The following AGFG1 variants were observed in gnomAD, a reference collection of about 807,000 sequenced individuals.
AGFG1 encodes arf-GAP domain and FG repeat-containing protein 1.
AGFG1 carries 10 observed loss-of-function variants against 60.6 expected under a neutral mutation model. The ratio of observed to expected loss-of-function variants is 0.16; its 90% CI spans 0.10 to 0.28. AGFG1 has a LOEUF of 0.28. AGFG1 is among the 10% of genes least tolerant of loss of function. The probability of loss-of-function intolerance (pLI) is 1.00; values close to 1 mark genes in which losing one functional copy is unlikely to be tolerated. For synonymous variants in AGFG1, 247 were observed against 242.9 expected, an observed-to-expected ratio of 1.02 and a Z score of -0.16; for missense variants, 537 against 676.5, an observed-to-expected ratio of 0.79 and a Z score of 2.29.
At chr2:227,472,692 T>C in intron 1 of AGFG1, 104 bp downstream of exon 1, 1 of 1,280,446 alleles carries the variant, frequency 7.8e-7, no homozygotes, top group Non-Finnish European at 1.0e-6. Context: ...CCGGGTGCCG[T>C]GGGAGGCGGT....
At chr2:227,475,889 G>T in intron 1 of AGFG1, among the ~76,000 whole-genome samples, 1 of 152,266 alleles carries the variant, frequency 6.6e-6, no homozygotes, top group Non-Finnish European at 1.5e-5. Flanking sequence ...GCTAGCTGCC[G>T]TTCCTTGATT....
intron 6 of AGFG1, chr2:227,532,206 C>T (rs1360850270): frequency 6.5e-7 from 1 of 1,545,420 alleles, no homozygotes; most frequent in African/African-American, 1.4e-5. Context: ...TCAGGCTACC[C>T]ACAGTAAGTT....
chr2:227,519,704 A>T (rs1478088140), intron 2 of AGFG1, among the ~76,000 whole-genome samples: 1 of 152,202 alleles, frequency 6.6e-6, no homozygotes, highest in Non-Finnish European at 1.5e-5. Context: ...AAAAGACCCC[A>T]GGTCCTCTGA....
intron 2 of AGFG1, among the ~76,000 whole-genome samples, chr2:227,516,492 C>G (rs1324803253): frequency 2.6e-5 from 4 of 152,160 alleles, no homozygotes; most frequent in Non-Finnish European, 5.9e-5. Flanking sequence ...GGGACTTTGA[C>G]AGTGAGACAG....
At chr2:227,486,550 A>C (rs1180733204) in intron 1 of AGFG1, among the ~76,000 whole-genome samples, 1 of 152,102 alleles carries the variant, frequency 6.6e-6, no homozygotes, top group East Asian at 1.9e-4. Flanking sequence ...TGTTGTGGAC[A>C]CTTTCCTTAG....
rs1260301708 is a variant in AGFG1 at position 227,505,778 on chromosome 2, G to A, written c.261+14138G>A. ...TTTTGAGACGGAGTCTTATTCTGTC[G>A]TCCAGGCTGGAGTGCAGTGGCACAA... is the stretch of plus-strand genomic sequence containing the variant. On this transcript the variant is annotated intron_variant, in intron 2 of 12. Transcript: ENST00000310078. Among the ~76,000 whole-genome samples the A allele has an allele frequency of 6.6e-5, 10 of 151,912 alleles. No individual in the cohort carries two copies. The South Asian group carries it at 1.0e-3, about 16-fold the overall frequency.
At chr2:227,540,703 A>G (rs189170974) in intron 10 of AGFG1, among the ~76,000 whole-genome samples, 21 of 152,292 alleles carry the variant, frequency 1.4e-4, no homozygotes, top group Admixed American at 9.2e-4. Context: ...TCCTTTGGGT[A>G]TATACCCAGT....
chr2:227,506,558 TAAAAAAAAAAAA>T (rs5839223), intron 2 of AGFG1, among the ~76,000 whole-genome samples: 2 of 106,306 alleles, frequency 1.9e-5, no homozygotes, highest in Non-Finnish European at 3.6e-5. Flanking sequence ...TGATGTTCCT[TAAAAAAAAAAAA>T]AAAAAAAAAG....
chr2:227,518,083 CAT>C (rs1691708586), intron 2 of AGFG1, among the ~76,000 whole-genome samples: 1 of 152,110 alleles, frequency 6.6e-6, no homozygotes, highest in African/African-American at 2.4e-5. Flanking sequence ...GGGGGGTGCA[CAT>C]GTTTCTTTCA....
At chr2:227,507,659 A>G (rs563270006) in intron 2 of AGFG1, among the ~76,000 whole-genome samples, 6 of 150,948 alleles carry the variant, frequency 4.0e-5, no homozygotes, top group Admixed American at 6.6e-5. Flanking sequence ...TGTTTTGGAA[A>G]AAGCTGTTTT....
At chr2:227,545,113 G>A (rs2106236368) in intron 10 of AGFG1, among the ~76,000 whole-genome samples, 1 of 152,226 alleles carries the variant, frequency 6.6e-6, no homozygotes, top group Admixed American at 6.5e-5. Flanking sequence ...CGTAGATTTG[G>A]TCTTTTCACA....
At chr2:227,481,403 C>T (rs1201216676) in intron 1 of AGFG1, among the ~76,000 whole-genome samples, 1 of 152,066 alleles carries the variant, frequency 6.6e-6, no homozygotes, top group Non-Finnish European at 1.5e-5. Context: ...ATGCTTTTGG[C>T]TGTTAAGGAA....
intron 2 of AGFG1, among the ~76,000 whole-genome samples, chr2:227,494,245 C>T (rs954499485): frequency 3.9e-5 from 6 of 152,134 alleles, no homozygotes; most frequent in African/African-American, 9.7e-5. Flanking sequence ...ATGGATTTCA[C>T]GTGCAAGTGT....
In AGFG1 at chr2:227,523,760, T is replaced by C. The variant is rs746753914; in HGVS notation, c.378-3T>C. 6.2e-7 allele frequency: 1 copy of C among 1,607,972 alleles called. No homozygotes were observed. Among genetic ancestry groups the C allele is most frequent in the South Asian group, 1.1e-5 (1 of 90,300 alleles). On this transcript the variant is annotated splice_region_variant and splice_polypyrimidine_tract_variant and intron_variant, in intron 3 of 12. Transcript: ENST00000310078. ...TTAGTTAACTGTTTTTTACATGTTT[T>C]AGGTATGTCCCGCCAGAACAAGCCA...
chr2:227,536,875 A>G, intron 9 of AGFG1, 26 bp from the exon 10 acceptor site: 1 of 1,593,688 alleles, frequency 6.3e-7, no homozygotes, highest in South Asian at 1.1e-5. Flanking sequence ...TTAGGATTTT[A>G]TAGTGTATTT....
intron 5 of AGFG1, among the ~76,000 whole-genome samples, chr2:227,529,576 A>G (rs1164432688): frequency 6.6e-6 from 1 of 152,120 alleles, no homozygotes; most frequent in Non-Finnish European, 1.5e-5. Context: ...GGGTGGGGTC[A>G]TTATTGGGTT....
intron 1 of AGFG1, among the ~76,000 whole-genome samples, chr2:227,489,704 T>G (rs1690745499): frequency 6.6e-6 from 1 of 152,212 alleles, no homozygotes; most frequent in South Asian, 2.1e-4. Flanking sequence ...GAAGTGTAAC[T>G]TGTCTTAATT....
intron 4 of AGFG1, 32 bp downstream of exon 4, chr2:227,523,957 C>T (rs943218821): frequency 1.5e-5 from 24 of 1,571,772 alleles, no homozygotes; most frequent in Admixed American, 1.2e-4. Context: ...GTAGGGAATT[C>T]GACTTAAAGA....
chr2:227,491,885 A>C (rs150242387), intron 2 of AGFG1, among the ~76,000 whole-genome samples: 47 of 152,354 alleles, frequency 3.1e-4, no homozygotes, highest in African/African-American at 1.1e-3. Flanking sequence ...AGTCTTGAAT[A>C]TAAAAGGCGT....
Sources: allele counts gnomAD v4.1 joint callset (sites outside exome capture counted in the v4.1 genomes callset), GRCh38; gene constraint gnomAD v4.1.1; transcripts MANE v1.5; gene names NCBI Gene and HGNC (gene_info 2026-07-23, HGNC 2026-07-21).